Variants in HAUS1 observed in about 807,000 individuals in gnomAD.
HAUS1 encodes HAUS augmin-like complex subunit 1.
In HAUS1, 25 loss-of-function variants were observed where a neutral mutation model predicts 38.6. That is an observed-to-expected ratio of 0.65 (90% CI 0.47 to 0.91). The LOEUF (loss-of-function observed/expected upper bound fraction) is 0.91. Among genes scored for constraint, HAUS1 ranks in the 40% least tolerant of loss-of-function variants. HAUS1 has a pLI of 0.00. For missense variants in HAUS1, 325 were observed against 328.4 expected (o/e 0.99, Z 0.08); for synonymous variants, 109 against 112.9 (o/e 0.97, Z 0.22).
At chr18:46,118,099 C>A in intron 2 of HAUS1, 82 bp from the exon 3 acceptor site, 1 of 1,335,682 alleles carries the variant, frequency 7.5e-7, no homozygotes, top group Non-Finnish European at 1.1e-6. Context: ...GGATTATATG[C>A]TATGTGAATT....
chr18:46,105,095 A>G, intron 1 of HAUS1, 99 bp from the exon 2 acceptor site: 1 of 784,014 alleles, frequency 1.3e-6, no homozygotes, highest in Non-Finnish European at 2.0e-6. Context: ...ATAGTCACAG[A>G]AAGCATTTAG....
In HAUS1 at chr18:46,122,543, C is replaced by G. The variant is rs773152415; in HGVS notation, c.553C>G (p.Leu185Val). The change falls in exon 5 of 9, where the codon CTA becomes GTA. Residue 185 changes from leucine (L) to valine (V), a missense_variant. Transcript: ENST00000282058. ...VDNRRQNMDFLKAKSEEFRFG... is the reference protein window; with the variant it reads ...VDNRRQNMDFVKAKSEEFRFG... Reference sequence around the variant, plus strand: ...TAATCGTCGTCAGAACATGGACTTTCTAAAAGCAAAGTCAGAGGAATTCAG... The same window carrying G: ...TAATCGTCGTCAGAACATGGACTTTGTAAAAGCAAAGTCAGAGGAATTCAG... 2 of 1,614,060 alleles carry G rather than the reference C, an allele frequency of 1.2e-6. No individual in the cohort carries two copies. Among genetic ancestry groups the G allele is most frequent in the Non-Finnish European group, 1.7e-6 (2 of 1,179,948 alleles).
At chr18:46,108,109 C>G (rs1911522017) in intron 2 of HAUS1, among the ~76,000 whole-genome samples, 1 of 152,080 alleles carries the variant, frequency 6.6e-6, no homozygotes, top group South Asian at 2.1e-4. Flanking sequence ...AGAAATTGCC[C>G]TGGCTAGAAC....
chr18:46,121,241 G>A (rs1197290152), intron 4 of HAUS1, among the ~76,000 whole-genome samples: 1 of 152,028 alleles, frequency 6.6e-6, no homozygotes, highest in Admixed American at 6.6e-5. Context: ...CCAGGCTAGA[G>A]TGCAATGGCG....
intron 2 of HAUS1, among the ~76,000 whole-genome samples, chr18:46,111,469 A>G (rs1911632188): frequency 6.6e-6 from 1 of 151,860 alleles, no homozygotes; most frequent in African/African-American, 2.4e-5. Flanking sequence ...TTACAGGCAT[A>G]TTTCACCACA....
intron 3 of HAUS1, among the ~76,000 whole-genome samples, chr18:46,119,448 T>G (rs956683289): frequency 6.6e-6 from 1 of 152,178 alleles, no homozygotes; most frequent in Non-Finnish European, 1.5e-5. Context: ...TTTTAGAATT[T>G]TTTAAACTTT....
Position 46,121,166 on chromosome 18 carries a change from T to TTTTA in HAUS1, c.476+1119_476+1122dup, listed in dbSNP as rs1248398774. 2.0e-5 allele frequency among the ~76,000 whole-genome samples: 3 copies of TTTTA among 152,180 alleles called. No homozygotes were observed. The East Asian group carries it at 5.8e-4, about 29-fold the overall frequency. ...CAAGGCACTGTCATGTCACGTTTAT[T>TTTTA]TTTATTTATTTATTTACTTATTTTA... On this transcript the variant is annotated intron_variant, in intron 4 of 8. Coordinates refer to ENST00000282058, the MANE Select transcript of HAUS1 (RefSeq NM_138443.4).
chr18:46,125,579 T>C (rs1241857495), intron 7 of HAUS1, among the ~76,000 whole-genome samples, 165 bp from the exon 8 acceptor site: 1 of 151,604 alleles, frequency 6.6e-6, no homozygotes, highest in Non-Finnish European at 1.5e-5. Flanking sequence ...AAATAATGTG[T>C]TGGTTTTTAA....
chr18:46,108,150 A>G (rs1379889499), intron 2 of HAUS1, among the ~76,000 whole-genome samples: 2 of 152,172 alleles, frequency 1.3e-5, no homozygotes, highest in African/African-American at 4.8e-5. Flanking sequence ...GAATTGGCAA[A>G]TACAGACTCC....
In HAUS1 at chr18:46,112,368, GTA is replaced by G. The variant is rs34043990; in HGVS notation, c.206-5805_206-5804del. Among the ~76,000 whole-genome samples, 700 of 102,720 alleles carry G rather than the reference GTA, an allele frequency of 6.8e-3. 15 individuals are homozygous for G. The highest frequency in any genetic ancestry group is 0.032 in the African/African-American group (654 of 20,128). The allele number at this position is 102,720 out of a possible 152,430, so 67.4% of individuals were successfully genotyped here. A position where few individuals can be genotyped will look rare whatever the true frequency, so the allele number is the denominator to read the frequency against. On this transcript the variant is annotated intron_variant, in intron 2 of 8. Coordinates refer to ENST00000282058, the MANE Select transcript of HAUS1 (RefSeq NM_138443.4). ...ATATTATATATAATATATATAATGTGTATATATATTCCATATTATATATATAA... is the reference window on the plus strand; with the variant it reads ...ATATTATATATAATATATATAATGTGTATATATTCCATATTATATATATAA...
chr18:46,113,725 T>G (rs773219845), intron 2 of HAUS1, among the ~76,000 whole-genome samples: 35 of 152,150 alleles, frequency 2.3e-4, no homozygotes, highest in African/African-American at 8.4e-4. Context: ...ATTCCTCTTT[T>G]TTGTTGTTGT....
intron 5 of HAUS1, 82 bp downstream of exon 5, chr18:46,122,672 C>T (rs1007681226): frequency 6.7e-7 from 1 of 1,491,770 alleles, no homozygotes; most frequent in Non-Finnish European, 9.3e-7. Flanking sequence ...ATTATTATTC[C>T]CTTTTTACAG....
intron 2 of HAUS1, among the ~76,000 whole-genome samples, chr18:46,111,271 A>G (rs1435836629): frequency 2.6e-5 from 4 of 152,088 alleles, no homozygotes; most frequent in African/African-American, 9.7e-5. Flanking sequence ...GAATGTGTAT[A>G]TTATTGCTTT....
intron 3 of HAUS1, chr18:46,118,590 A>C: frequency 3.6e-6 from 1 of 278,412 alleles, no homozygotes; most frequent in Middle Eastern, 1.1e-3. Context: ...CCTGTGTATA[A>C]TAAGAAAGAT....
rs1166729740 is a variant in HAUS1, at chr18:46,108,271, C to CTTTT, written c.205+2919_205+2922dup. The stretch of plus-strand genomic sequence containing the variant: ...TTTGTCAATTTGAGGGAATTTACTT[C>CTTTT]TTTTTTTTTTTTTTTTTTTGGTAAC... On this transcript the variant is annotated intron_variant, in intron 2 of 8. Transcript: ENST00000282058. Among the ~76,000 whole-genome samples the CTTTT allele has an allele frequency of 4.3e-5, 5 of 115,206 alleles. 1 individual carries two copies. Among genetic ancestry groups the CTTTT allele is most frequent in the Non-Finnish European group, 9.1e-5 (5 of 54,998 alleles). 75.6% of individuals were successfully genotyped at this position (115,206 alleles called of 152,430 possible).
At chr18:46,111,001 T>TG (rs1911618490) in intron 2 of HAUS1, among the ~76,000 whole-genome samples, 1 of 151,058 alleles carries the variant, frequency 6.6e-6, no homozygotes, top group African/African-American at 2.4e-5. Context: ...CTCAGCCTCC[T>TG]GGGTAGCTGG....
At chr18:46,120,707 TC>T (rs1366013530) in intron 4 of HAUS1, among the ~76,000 whole-genome samples, 1 of 151,988 alleles carries the variant, frequency 6.6e-6, no homozygotes, top group South Asian at 2.1e-4. Context: ...TGCCTCAGCC[TC>T]CCCAGTAGCT....
chr18:46,114,264 C>A (rs143145525), intron 2 of HAUS1, among the ~76,000 whole-genome samples: 122 of 152,300 alleles, frequency 8.0e-4, no homozygotes, highest in African/African-American at 2.7e-3. Context: ...TAGGCTTGAA[C>A]CTTTCTAAGC....
intron 7 of HAUS1, 75 bp downstream of exon 7, chr18:46,124,968 A>C (rs1464136011): frequency 1.4e-5 from 12 of 860,282 alleles, no homozygotes; most frequent in Non-Finnish European, 2.3e-5. Flanking sequence ...CCATGAAAAT[A>C]GTGTGTTTAG....
Sources: gnomAD v4.1 joint callset for allele counts (sites outside exome capture counted in the v4.1 genomes callset) on GRCh38, gnomAD v4.1.1 for gene constraint, MANE v1.5 for transcripts, NCBI Gene and HGNC (gene_info 2026-07-23, HGNC 2026-07-21) for gene names.